The following GRIN2D variants were observed in gnomAD, a reference collection of about 807,000 sequenced individuals.
GRIN2D encodes glutamate receptor ionotropic, NMDA 2D.
In GRIN2D, 37 loss-of-function variants were observed where a neutral mutation model predicts 103.2. That is an observed-to-expected ratio of 0.36 (90% CI 0.28 to 0.47). The LOEUF is 0.47. GRIN2D is among the 20% of genes least tolerant of loss of function. The probability of loss-of-function intolerance (pLI) is 1.00; values close to 1 mark genes in which losing one functional copy is unlikely to be tolerated. For synonymous variants in GRIN2D, 845 were observed against 885.6 expected, an observed-to-expected ratio of 0.95 and a Z score of 0.81; for missense variants, 1,557 against 1,910.6, an observed-to-expected ratio of 0.81 and a Z score of 3.45.
At chr19:48,429,703 T>C (rs2147464781) in intron 11 of GRIN2D, among the ~76,000 whole-genome samples, 1 of 148,968 alleles carries the variant, frequency 6.7e-6, no homozygotes, top group Non-Finnish European at 1.5e-5. Context: ...CCGGCCTAAT[T>C]TTAATTTTTT....
At chr19:48,433,298 G>C (rs1404695947) in intron 11 of GRIN2D, among the ~76,000 whole-genome samples, 1 of 151,844 alleles carries the variant, frequency 6.6e-6, no homozygotes, top group East Asian at 2.0e-4. Flanking sequence ...CCGGGAGGTG[G>C]AGGTTGCAGT....
chr19:48,413,911 AGAAAGGG>A (rs1970908509), intron 4 of GRIN2D, 73 bp from the exon 5 acceptor site: 2 of 812,526 alleles, frequency 2.5e-6, no homozygotes, highest in Non-Finnish European at 4.4e-6. Context: ...GCTGGTCTGC[AGAAAGGG>A]GACTTTCTCT....
rs1231191964 is a variant in GRIN2D, at chr19:48,393,831, G to A, written c.-343G>A. Among the ~76,000 whole-genome samples, 1 of 152,038 alleles carries A rather than the reference G, an allele frequency of 6.6e-6. No homozygotes were observed. The highest frequency in any genetic ancestry group is 1.9e-4 in the East Asian group (1 of 5,172). On this transcript the variant is annotated 5_prime_UTR_variant, in exon 1 of 14. Transcript: ENST00000263269. This position sits in a 1 kb window ranked among gnomAD's most constrained non-coding sequence, Gnocchi z 5.6. Reference sequence around the variant, plus strand: ...GGGTGTTGCCTGGGTAGGTCGGCCCGGCCCCCAGGGGTCTCTCGAGCGTCT... The same window carrying A: ...GGGTGTTGCCTGGGTAGGTCGGCCCAGCCCCCAGGGGTCTCTCGAGCGTCT...
chr19:48,425,311 G>A (rs180671167), intron 11 of GRIN2D, among the ~76,000 whole-genome samples: 223 of 152,110 alleles, frequency 1.5e-3, no homozygotes, highest in Admixed American at 2.4e-3. Context: ...CTGCAATCTC[G>A]GCTCACTGCA....
Position 48,442,976 on chromosome 19 carries a change from C to T in GRIN2D, c.3050C>T (p.Ala1017Val). 2 of 1,121,628 alleles carry T rather than the reference C, an allele frequency of 1.8e-6. No homozygotes were observed. Among genetic ancestry groups the T allele is most frequent in the South Asian group, 2.8e-5 (1 of 35,928 alleles). 69.5% of individuals were successfully genotyped at this position (1,121,628 alleles called of 1,614,324 possible). ...GCCATCGTACGCGACAAGGAGCCAG[C>T]CGAGCCCCCCGCCGGCGCCTTCCCC... The part of the protein sequence containing the change: ...YFAIVRDKEP[A>V]EPPAGAFPGF... The change falls in exon 14 of 14, where the codon GCC (alanine) becomes GTC (valine). Residue 1017 changes from alanine (A) to valine (V), a missense_variant. Coordinates refer to ENST00000263269, the MANE Select transcript of GRIN2D (RefSeq NM_000836.4). This position sits in a 1 kb window ranked among gnomAD's most constrained non-coding sequence, Gnocchi z 7.2.
At position 48,426,223 on chromosome 19, in the gene GRIN2D, TC is replaced by T. The variant is rs377257016; in HGVS notation, c.2252+4279del. ...CTTTCTTTTTCTTTCTTTCTTTCTT[TC>T]TTTTTTTTTTTTTTTTTCTGAAACA... is the stretch of plus-strand genomic sequence containing the variant. On this transcript the variant is annotated intron_variant, in intron 11 of 13. Transcript: ENST00000263269. Among the ~76,000 whole-genome samples, 126 of 138,908 alleles carry T rather than the reference TC, an allele frequency of 9.1e-4. 1 individual carries two copies. The highest frequency in any genetic ancestry group is 3.8e-3 in the African/African-American group (123 of 32,748). 91.1% of individuals were successfully genotyped at this position (138,908 alleles called of 152,430 possible). A position where few individuals can be genotyped will look rare whatever the true frequency, so the allele number is the denominator to read the frequency against.
chr19:48,416,137 TC>T lies in GRIN2D; in HGVS notation c.1722del (p.Ser575ArgfsTer13). On this transcript the variant is annotated frameshift_variant, in exon 8 of 14. Coordinates refer to ENST00000263269, the MANE Select transcript of GRIN2D (RefSeq NM_000836.4). LOFTEE classifies it high-confidence loss of function. ...GGTGGCGCGCAGCAATGGCACGGTG[TC>T]CCCCTCGGCCTTCCTCGGTAATCTG... ...VMVARSNGTV[S>X]PSAFLEPYSP... 6.2e-7 allele frequency: 1 copy of T among 1,613,498 alleles called. No individual in the cohort carries two copies. Among genetic ancestry groups the T allele is most frequent in the African/African-American group, 1.3e-5 (1 of 74,920 alleles).
At chr19:48,438,093 C>G (rs1454261037) in intron 11 of GRIN2D, among the ~76,000 whole-genome samples, 4 of 152,020 alleles carry the variant, frequency 2.6e-5, no homozygotes, top group Non-Finnish European at 4.4e-5. Context: ...GTCCTTTTCT[C>G]TAATTTCCAC....
At position 48,435,687 on chromosome 19, in the gene GRIN2D, C is replaced by T. The variant is rs994650915; in HGVS notation, c.2253-6082C>T. ...TATGAACTCCCGACCTCAGGAGATC[C>T]GTGCCCCGGGCGGCCTCCCAAAGTG... On this transcript the variant is annotated intron_variant, in intron 11 of 13. Transcript: ENST00000263269. Among the ~76,000 whole-genome samples the T allele has an allele frequency of 5.3e-5, 8 of 152,022 alleles. No homozygotes were observed. The South Asian group carries it at 6.2e-4, about 12-fold the overall frequency.
intron 3 of GRIN2D, among the ~76,000 whole-genome samples, chr19:48,399,385 TG>T (rs1326139386): frequency 6.6e-6 from 1 of 152,036 alleles, no homozygotes; most frequent in Non-Finnish European, 1.5e-5. Context: ...CTGGCCAACA[TG>T]GTGAAACCCC....
intron 11 of GRIN2D, among the ~76,000 whole-genome samples, chr19:48,429,540 C>T (rs1971131158): frequency 6.6e-6 from 1 of 152,032 alleles, no homozygotes; most frequent in Admixed American, 6.6e-5. Context: ...GCTGGGATTA[C>T]AGAAGCCTGC....
At position 48,426,224 on chromosome 19, in the gene GRIN2D, CT is replaced by C. The variant is rs369360320; in HGVS notation, c.2252+4296del. On this transcript the variant is annotated intron_variant, in intron 11 of 13. Coordinates refer to ENST00000263269, the MANE Select transcript of GRIN2D (RefSeq NM_000836.4). ...TTTCTTTTTCTTTCTTTCTTTCTTT[CT>C]TTTTTTTTTTTTTTTTCTGAAACAG... Among the ~76,000 whole-genome samples the C allele has an allele frequency of 5.3e-3, 635 of 120,060 alleles. 4 individuals carry two copies. Among genetic ancestry groups the C allele is most frequent in the Middle Eastern group, 0.026 (6 of 230 alleles). 78.8% of individuals were successfully genotyped at this position (120,060 alleles called of 152,430 possible). A position where few individuals can be genotyped will look rare whatever the true frequency, so the allele number is the denominator to read the frequency against.
At chr19:48,439,406 C>G (rs1039157809) in intron 11 of GRIN2D, among the ~76,000 whole-genome samples, 1 of 152,094 alleles carries the variant, frequency 6.6e-6, no homozygotes, top group Non-Finnish European at 1.5e-5. Context: ...CTATCAACCC[C>G]GTCCTACATG....
At chr19:48,411,320 G>A (rs901742978) in intron 4 of GRIN2D, among the ~76,000 whole-genome samples, 7 of 126,512 alleles carry the variant, frequency 5.5e-5, no homozygotes, top group Non-Finnish European at 8.1e-5. Context: ...GTGAGACCCC[G>A]TCTCAAAATA....
chr19:48,421,733 G>A lies in GRIN2D; in HGVS notation c.2092-52G>A. ...GTGTGTCTCAGAATGGGTGATTTAT[G>A]TTAGGGATGTCCCTGCGGAGGGTGC... On this transcript the variant is annotated intron_variant, in intron 10 of 13. Transcript: ENST00000263269. This position sits in a 1 kb window ranked among gnomAD's most constrained non-coding sequence, Gnocchi z 4.8. 6.6e-7 allele frequency: 1 copy of A among 1,518,286 alleles called. No homozygotes were observed. Among genetic ancestry groups the A allele is most frequent in the Non-Finnish European group, 9.1e-7 (1 of 1,101,314 alleles). The allele number at this position is 1,518,286 out of a possible 1,614,324, so 94.1% of individuals were successfully genotyped here.
chr19:48,434,143 G>A (rs1032101320), intron 11 of GRIN2D, among the ~76,000 whole-genome samples: 2 of 151,794 alleles, frequency 1.3e-5, no homozygotes, highest in African/African-American at 2.4e-5. Context: ...GTAGAGACGG[G>A]GTTTCACCGT....
chr19:48,430,979 C>T (rs2147465699), intron 11 of GRIN2D, among the ~76,000 whole-genome samples: 1 of 152,068 alleles, frequency 6.6e-6, no homozygotes, highest in East Asian at 1.9e-4. Flanking sequence ...ACCACCACGC[C>T]CAGCTAATTT....
At chr19:48,436,186 G>T (rs544372055) in intron 11 of GRIN2D, among the ~76,000 whole-genome samples, 1 of 152,310 alleles carries the variant, frequency 6.6e-6, no homozygotes, top group East Asian at 1.9e-4. Flanking sequence ...ACTCACATCA[G>T]TCTGCCTGAG....
chr19:48,398,756 C>A lies in GRIN2D; in HGVS notation c.364C>A (p.Arg122Ser), dbSNP rs1275566794. Residue 122 changes from arginine (R) to serine (S), a missense_variant, in exon 3 of 14, where the codon CGC becomes AGC. This residue lies in a region of GRIN2D where 490 missense variants were observed against 601.1 expected (regional missense o/e 0.82). Transcript: ENST00000263269. ...CGGCGTGGTCTTCGAAGACGACTCG[C>A]GCGCGCCCGCCGTCGCGCCCATCCT... ...VHGVVFEDDS[R>S]APAVAPILDF... The A allele has an allele frequency of 1.4e-6, 2 of 1,464,240 alleles. No homozygotes were observed. The highest frequency in any genetic ancestry group is 1.5e-5 in the African/African-American group (1 of 67,914). 90.7% of individuals were successfully genotyped at this position (1,464,240 alleles called of 1,614,324 possible).
Sources: gnomAD v4.1 joint callset for allele counts (sites outside exome capture counted in the v4.1 genomes callset) on GRCh38, gnomAD v4.1.1 for gene constraint, gnomAD v4.1.1 regional missense constraint, Gnocchi (gnomAD v3.1) non-coding constraint, MANE v1.5 for transcripts, NCBI Gene and HGNC (gene_info 2026-07-23, HGNC 2026-07-21) for gene names.